The following ASXL2 variants were observed in gnomAD, a reference collection of about 807,000 sequenced individuals.
ASXL2 encodes the protein ASXL transcriptional regulator 2, also known as putative Polycomb group protein ASXL2.
Under a neutral mutation model 122.0 loss-of-function variants are expected in ASXL2, and 23 were observed. That is an observed-to-expected ratio of 0.19 (90% CI 0.14 to 0.27). The LOEUF (loss-of-function observed/expected upper bound fraction) is 0.27, where lower values mean the gene tolerates loss of function less well. Among genes scored for constraint, ASXL2 ranks in the 10% least tolerant of loss-of-function variants. ASXL2 has a pLI of 1.00. For synonymous variants in ASXL2, 650 were observed against 637.0 expected (o/e 1.02, Z -0.31); for missense variants, 1,518 against 1,713.8 (o/e 0.89, Z 2.02).
chr2:25,845,413 C>T, intron 2 of ASXL2, 68 bp downstream of exon 2: 1 of 1,297,206 alleles, frequency 7.7e-7, no homozygotes. Flanking sequence ...CTAAAGTATA[C>T]TATTATATAC....
At chr2:25,864,051 C>T (rs2089870756) in intron 1 of ASXL2, among the ~76,000 whole-genome samples, 1 of 150,898 alleles carries the variant, frequency 6.6e-6, no homozygotes, top group South Asian at 2.1e-4. Context: ...TAGAAGTGAA[C>T]TCAATTAAGT....
intron 3 of ASXL2, among the ~76,000 whole-genome samples, chr2:25,828,526 A>G (rs764751459): frequency 6.8e-6 from 1 of 146,564 alleles, no homozygotes. Flanking sequence ...AAAAATAAAA[A>G]GAAAAGATCC....
intron 2 of ASXL2, among the ~76,000 whole-genome samples, chr2:25,842,998 T>C (rs2089605386): frequency 6.6e-6 from 1 of 151,492 alleles, no homozygotes; most frequent in Non-Finnish European, 1.5e-5. Context: ...ATTTTTTTTT[T>C]TTTAATAGAG....
chr2:25,740,933 T>C lies in ASXL2; in HGVS notation c.*1096A>G, dbSNP rs549141964. On this transcript the variant is annotated 3_prime_UTR_variant, in exon 13 of 13. Transcript: ENST00000435504. The stretch of plus-strand genomic sequence containing the variant: ...TTGAACAGAATGAACAAATGTGGCA[T>C]TGGTGAGCTTTTCTACCTGCAACAG... 2.6e-5 allele frequency: 5 copies of C among 192,784 alleles called. No individual in the cohort carries two copies. The highest frequency in any genetic ancestry group is 1.2e-4 in the Admixed American group (2 of 16,356). 11.9% of individuals were successfully genotyped at this position (192,784 alleles called of 1,614,324 possible).
chr2:25,784,053 C>CTAAATAAA (rs59180424), intron 5 of ASXL2, among the ~76,000 whole-genome samples: 5,234 of 138,418 alleles, frequency 0.038, 218 homozygotes, highest in Admixed American at 0.12. Context: ...AACTCCATCT[C>CTAAATAAA]TAAATAAATA....
chr2:25,826,139 C>A (rs144640411), intron 3 of ASXL2, among the ~76,000 whole-genome samples: 32 of 152,256 alleles, frequency 2.1e-4, no homozygotes, highest in Admixed American at 2.1e-3. Context: ...ATAAGTCTAC[C>A]TTTATGATGG....
At chr2:25,758,004 C>T (rs1574399995) in intron 9 of ASXL2, among the ~76,000 whole-genome samples, 1 of 151,090 alleles carries the variant, frequency 6.6e-6, no homozygotes, top group East Asian at 2.0e-4. Flanking sequence ...CTAACTTGTT[C>T]TAACCAAGAA....
At chr2:25,868,951 G>T (rs1029709366) in intron 1 of ASXL2, among the ~76,000 whole-genome samples, 4 of 152,052 alleles carry the variant, frequency 2.6e-5, no homozygotes, top group African/African-American at 9.7e-5. Flanking sequence ...GATCACCTCA[G>T]GTCAGGAGTT....
At chr2:25,796,210 A>C (rs1185627192) in intron 5 of ASXL2, among the ~76,000 whole-genome samples, 2 of 152,266 alleles carry the variant, frequency 1.3e-5, no homozygotes, top group Non-Finnish European at 2.9e-5. Context: ...ATATAGGCAT[A>C]GTAACCATTC....
intron 3 of ASXL2, among the ~76,000 whole-genome samples, chr2:25,827,117 C>G (rs933507730): frequency 3.3e-5 from 5 of 151,678 alleles, no homozygotes; most frequent in Admixed American, 3.3e-4. Context: ...CAGGCATAAG[C>G]CACCACACCT....
intron 3 of ASXL2, among the ~76,000 whole-genome samples, chr2:25,830,127 T>G (rs1301556711): frequency 6.6e-6 from 1 of 152,140 alleles, no homozygotes; most frequent in Non-Finnish European, 1.5e-5. Context: ...GATCTGAAAA[T>G]TAAACTGTTA....
At chr2:25,845,966 C>T (rs2149193475) in intron 1 of ASXL2, among the ~76,000 whole-genome samples, 1 of 152,318 alleles carries the variant, frequency 6.6e-6, no homozygotes, top group East Asian at 1.9e-4. Flanking sequence ...CATGAAGCAG[C>T]TATTTGAGGA....
intron 1 of ASXL2, among the ~76,000 whole-genome samples, chr2:25,870,286 A>G (rs1285907788): frequency 6.6e-6 from 1 of 152,158 alleles, no homozygotes; most frequent in African/African-American, 2.4e-5. Context: ...GCACTTTGGG[A>G]GGCCAAGGTG....
At chr2:25,779,100 T>C (rs1245872143) in intron 5 of ASXL2, among the ~76,000 whole-genome samples, 1 of 144,962 alleles carries the variant, frequency 6.9e-6, no homozygotes, top group Non-Finnish European at 1.5e-5. Context: ...TTTTTTTTTT[T>C]TTTTTTTGAG....
chr2:25,757,514 C>T (rs2088156201), intron 9 of ASXL2, among the ~76,000 whole-genome samples: 1 of 147,292 alleles, frequency 6.8e-6, no homozygotes, highest in African/African-American at 2.5e-5. Context: ...AACACACACA[C>T]ACACACAAAA....
intron 1 of ASXL2, among the ~76,000 whole-genome samples, chr2:25,863,029 G>A (rs1253713045): frequency 6.6e-6 from 1 of 152,076 alleles, no homozygotes; most frequent in Non-Finnish European, 1.5e-5. Flanking sequence ...ATTTTAAAAT[G>A]CAAACTAAAG....
At position 25,772,277 on chromosome 2, in the gene ASXL2, G is replaced by A. The variant is rs368686537; in HGVS notation, c.404-737C>T. ...GATAAATACAGAAATTGCTGATTCA[G>A]TACCCTTATTAAAAAAAAATTATAA... On this transcript the variant is annotated intron_variant, in intron 5 of 12. Coordinates refer to ENST00000435504, the MANE Select transcript of ASXL2 (RefSeq NM_018263.6). Among the ~76,000 whole-genome samples the A allele has an allele frequency of 2.6e-4, 39 of 152,102 alleles. No individual in the cohort carries two copies. The South Asian group carries it at 7.7e-3, about 30-fold the overall frequency.
intron 1 of ASXL2, among the ~76,000 whole-genome samples, chr2:25,872,467 G>A (rs1160019968): frequency 6.6e-6 from 1 of 152,060 alleles, no homozygotes; most frequent in East Asian, 1.9e-4. Flanking sequence ...CAAAGTCTAA[G>A]AGTAAAATTG....
chr2:25,768,397 G>C (rs915932189), intron 7 of ASXL2, among the ~76,000 whole-genome samples: 1 of 152,042 alleles, frequency 6.6e-6, no homozygotes, highest in Admixed American at 6.5e-5. Flanking sequence ...TTGACTTCCC[G>C]AGCTCAACCA....
Sources: gnomAD v4.1 joint callset for allele counts (sites outside exome capture counted in the v4.1 genomes callset) on GRCh38, gnomAD v4.1.1 for gene constraint, MANE v1.5 for transcripts, NCBI Gene and HGNC (gene_info 2026-07-23, HGNC 2026-07-21) for gene names.